Variants in PTK2 observed in about 807,000 individuals in gnomAD.
The protein encoded by PTK2 is focal adhesion kinase 1.
PTK2 carries 45 observed loss-of-function variants against 150.1 expected under a neutral mutation model. That is an observed-to-expected ratio of 0.30 (90% CI 0.24 to 0.38). The LOEUF (loss-of-function observed/expected upper bound fraction) is 0.38. Among genes scored for constraint, PTK2 ranks in the 10% least tolerant of loss-of-function variants. PTK2 has a pLI of 1.00. For synonymous variants in PTK2, 432 were observed against 449.2 expected, an observed-to-expected ratio of 0.96 and a Z score of 0.48; for missense variants, 919 against 1,307.3, an observed-to-expected ratio of 0.70 and a Z score of 4.58.
intron 1 of PTK2, among the ~76,000 whole-genome samples, chr8:140,999,052 A>G (rs1210522435): frequency 1.3e-5 from 2 of 152,204 alleles, no homozygotes; most frequent in Non-Finnish European, 2.9e-5. Context: ...TCCTAATCTA[A>G]CATTATTCAC....
intron 23 of PTK2, 122 bp from the exon 27 acceptor site, chr8:140,706,327 A>T (rs1275689415): frequency 1.5e-6 from 1 of 684,216 alleles, no homozygotes; most frequent in East Asian, 2.9e-5. Flanking sequence ...AAAAGATGCT[A>T]AGACATTTCA....
intron 22 of PTK2, chr8:140,721,602 T>C (rs1400149228): frequency 1.3e-5 from 2 of 152,108 alleles, no homozygotes; most frequent in Non-Finnish European, 2.9e-5. Flanking sequence ...TGGCGGGAAC[T>C]ACCATTGCTT....
chr8:140,839,806 C>T (rs1379151996), intron 7 of PTK2, among the ~76,000 whole-genome samples: 1 of 152,012 alleles, frequency 6.6e-6, no homozygotes, highest in East Asian at 1.9e-4. Context: ...AGATGAAAAA[C>T]ATGAATCTAC....
intron 1 of PTK2, among the ~76,000 whole-genome samples, chr8:140,927,975 A>AAAAAAAAAAAAAAAAAAAAATATATAT: frequency 6.2e-5 from 3 of 48,198 alleles, no homozygotes; most frequent in Non-Finnish European, 1.0e-4. Flanking sequence ...AAAAAAAAAA[A>AAAAAAAAAAAAAAAAAAAAATATATAT]ATATATATAT....
chr8:140,720,039 C>T (rs925316658), intron 22 of PTK2, among the ~76,000 whole-genome samples: 2 of 151,964 alleles, frequency 1.3e-5, no homozygotes, highest in Non-Finnish European at 2.9e-5. Context: ...CGGGAGAGGA[C>T]ACTGTCCCAG....
chr8:140,996,513 C>T (rs1252486314), intron 1 of PTK2, among the ~76,000 whole-genome samples: 1 of 152,196 alleles, frequency 6.6e-6, no homozygotes, highest in Non-Finnish European at 1.5e-5. Context: ...GGCTTTAAAG[C>T]TTCAAAGGAT....
At chr8:140,977,101 C>T (rs1031416183) in intron 1 of PTK2, among the ~76,000 whole-genome samples, 2 of 152,112 alleles carry the variant, frequency 1.3e-5, no homozygotes, top group Non-Finnish European at 2.9e-5. Flanking sequence ...ACAATAAATG[C>T]TTTATGGGCC....
At chr8:140,720,881 G>A (rs2100042524) in intron 22 of PTK2, among the ~76,000 whole-genome samples, 1 of 152,150 alleles carries the variant, frequency 6.6e-6, no homozygotes, top group Non-Finnish European at 1.5e-5. Flanking sequence ...AGCCTCCCAA[G>A]TAGCTGGGAC....
chr8:140,669,340 T>TATATATATACAC (rs1377363515), intron 29 of PTK2: 2 of 132,844 alleles, frequency 1.5e-5, no homozygotes, highest in African/African-American at 6.0e-5. Context: ...TATATATATA[T>TATATATATACAC]ACACTTTTTA....
intron 22 of PTK2, among the ~76,000 whole-genome samples, chr8:140,731,408 A>G (rs1332105674): frequency 1.3e-5 from 2 of 152,222 alleles, no homozygotes; most frequent in African/African-American, 2.4e-5. Flanking sequence ...ACTTGATAAT[A>G]GGCCACTGGC....
At position 140,803,005 on chromosome 8, in the gene PTK2, CTTTTTTTTTTTT is replaced by C. The variant is rs778981723; in HGVS notation, c.975+526_975+537del. 2.8e-4 allele frequency among the ~76,000 whole-genome samples: 22 copies of C among 77,348 alleles called. No individual in the cohort carries two copies. In the East Asian group the frequency reaches 3.6e-3, roughly 13 times the overall value. The allele number at this position is 77,348 out of a possible 152,430, so 50.7% of individuals were successfully genotyped here. On this transcript the variant is annotated intron_variant, in intron 11 of 31. Transcript: ENST00000522684. ...AATTTCCTTGGTACTTGATGACAAT[CTTTTTTTTTTTT>C]TTTTTTTTTTTTTTTGAGACACGGT... is the stretch of plus-strand genomic sequence containing the variant.
intron 3 of PTK2, among the ~76,000 whole-genome samples, chr8:140,887,045 T>C (rs1490600377): frequency 1.3e-5 from 2 of 152,206 alleles, no homozygotes; most frequent in Admixed American, 6.5e-5. Context: ...GCCAAAGCTA[T>C]GGCCAAGATA....
intron 22 of PTK2, among the ~76,000 whole-genome samples, chr8:140,733,004 G>GAAGCCTTTA (rs2100050442): frequency 6.6e-6 from 1 of 152,198 alleles, no homozygotes. Context: ...TGTTACTGTG[G>GAAGCCTTTA]AAGCCTTTAC....
chr8:140,734,697 T>C (rs1385750730), intron 22 of PTK2: 1 of 514,568 alleles, frequency 1.9e-6, no homozygotes, highest in Admixed American at 2.0e-5. Flanking sequence ...ACAGAAGTAT[T>C]CAAAAGGTGG....
chr8:140,685,653 A>G (rs1394656075), intron 27 of PTK2, among the ~76,000 whole-genome samples: 1 of 152,220 alleles, frequency 6.6e-6, no homozygotes, highest in Non-Finnish European at 1.5e-5. Flanking sequence ...CAATATCACT[A>G]ATCATTAGAG....
chr8:140,814,974 C>T (rs969658138), intron 10 of PTK2, among the ~76,000 whole-genome samples: 1 of 152,110 alleles, frequency 6.6e-6, no homozygotes, highest in Non-Finnish European at 1.5e-5. Flanking sequence ...CAGGGTTTCA[C>T]CGTGTTAGCC....
chr8:140,803,794 C>T, intron 10 of PTK2, 144 bp from the exon 11 acceptor site: 1 of 718,894 alleles, frequency 1.4e-6, no homozygotes, highest in Non-Finnish European at 2.3e-6. Flanking sequence ...ATTCTCCATG[C>T]TGCCCCAGGG....
At chr8:140,860,297 T>G (rs2100135302) in intron 5 of PTK2, among the ~76,000 whole-genome samples, 1 of 152,210 alleles carries the variant, frequency 6.6e-6, no homozygotes, top group South Asian at 2.1e-4. Context: ...TCTTATTTCT[T>G]TTGAATAAAT....
chr8:140,723,142 G>A, intron 22 of PTK2, among the ~76,000 whole-genome samples: 1 of 152,130 alleles, frequency 6.6e-6, no homozygotes, highest in East Asian at 1.9e-4. Flanking sequence ...CTGCCTGAAT[G>A]TTTCATTTCA....
Sources: allele counts gnomAD v4.1 joint callset (sites outside exome capture counted in the v4.1 genomes callset), GRCh38; gene constraint gnomAD v4.1.1; transcripts MANE v1.5; gene names NCBI Gene and HGNC (gene_info 2026-07-23, HGNC 2026-07-21).